Variants in NR4A1 observed in about 807,000 individuals in gnomAD.
The protein encoded by NR4A1 is nuclear receptor subfamily 4immunitygroup A member 1.
NR4A1 carries 24 observed loss-of-function variants against 47.5 expected under a neutral mutation model. That is an observed-to-expected ratio of 0.50 (90% CI 0.37 to 0.71). The LOEUF is 0.71. Ranked by LOEUF, NR4A1 falls within the 30% of genes least tolerant of loss-of-function variation. The pLI, the probability that NR4A1 is intolerant of heterozygous loss-of-function variation, is 0.00. For missense variants in NR4A1, 669 were observed against 788.6 expected (o/e 0.85, Z 1.82); for synonymous variants, 353 against 345.7 (o/e 1.02, Z -0.24).
chr12:52,059,118 C>G lies in NR4A1; in HGVS notation c.*174C>G, dbSNP rs1003587712. 4 of 798,798 alleles carry G rather than the reference C, an allele frequency of 5.0e-6. No homozygotes were observed. In the Admixed American group the frequency reaches 9.2e-5, roughly 18 times the overall value. 49.5% of individuals were successfully genotyped at this position (798,798 alleles called of 1,614,324 possible). On this transcript the variant is annotated 3_prime_UTR_variant, in exon 7 of 7. Coordinates refer to ENST00000394825, the MANE Select transcript of NR4A1 (RefSeq NM_173157.3). ...GCTCAAGCCCTTGGGGAGGGGGATGCCTTCATGGGGGTGACCCCACGATTT... is the reference window on the plus strand; with the variant it reads ...GCTCAAGCCCTTGGGGAGGGGGATGGCTTCATGGGGGTGACCCCACGATTT...
At chr12:52,055,702 C>A in intron 2 of NR4A1, 1 of 309,214 alleles carries the variant, frequency 3.2e-6, no homozygotes, top group Non-Finnish European at 5.9e-6. Context: ...CCTTGGCCCT[C>A]TCCTGTCTGC....
chr12:52,023,874 C>T (rs999039737), intron 1 of NR4A1, among the ~76,000 whole-genome samples: 1 of 152,340 alleles, frequency 6.6e-6, no homozygotes, highest in Non-Finnish European at 1.5e-5. Context: ...CGCCCTCTGC[C>T]GGCAGACTCG....
chr12:52,048,438 C>T (rs1592295564), upstream of NR4A1, among the ~76,000 whole-genome samples: 1 of 151,378 alleles, frequency 6.6e-6, no homozygotes, highest in African/African-American at 2.4e-5. Context: ...GCTAAAAATA[C>T]AAAAAAATTA....
chr12:52,043,532 C>T (rs1467588355), intron 2 of NR4A1: 9 of 391,694 alleles, frequency 2.3e-5, no homozygotes, highest in African/African-American at 1.7e-4. Flanking sequence ...ACCTGTCTGC[C>T]AGGCCTGGGC....
At chr12:52,057,023 C>G (rs187300645) in intron 4 of NR4A1, 34 bp from the exon 5 acceptor site, 4 of 1,546,152 alleles carry the variant, frequency 2.6e-6, no homozygotes, top group Non-Finnish European at 3.5e-6. Flanking sequence ...AGGAGCCTGC[C>G]TGGGGTGCTG....
chr12:52,038,360 G>C (rs1464367824), intron 1 of NR4A1: 2 of 232,808 alleles, frequency 8.6e-6, no homozygotes, highest in Non-Finnish European at 1.7e-5. Context: ...ACCGCGCCTG[G>C]CAGGCTCATT....
chr12:52,053,955 C>T (rs1428025596), intron 1 of NR4A1: 7 of 232,480 alleles, frequency 3.0e-5, no homozygotes, highest in Admixed American at 5.1e-5. Context: ...CACCCTTCTC[C>T]CGGCCCCCAC....
intron 2 of NR4A1, among the ~76,000 whole-genome samples, chr12:52,042,388 C>T (rs540521100): frequency 2.6e-5 from 4 of 152,056 alleles, no homozygotes; most frequent in East Asian, 1.9e-4. Context: ...TCCCCTTCCT[C>T]GTGGAAAGCA....
chr12:52,054,745 G>A lies in NR4A1; in HGVS notation c.417G>A (p.Pro139=), dbSNP rs372483302. Residue 139 remains proline, a synonymous_variant, in exon 2 of 7, where the codon CCG becomes CCA. Coordinates refer to ENST00000394825, the MANE Select transcript of NR4A1 (RefSeq NM_173157.3). ...ACTATGGCAGCCCCTGCTCGGCCCCGTCGCCCTCCACGCCCAGCTTCCAGC... is the reference window on the plus strand; with the variant it reads ...ACTATGGCAGCCCCTGCTCGGCCCCATCGCCCTCCACGCCCAGCTTCCAGC... ...SDYYGSPCSA[P]SPSTPSFQPP... 1.6e-4 allele frequency: 250 copies of A among 1,612,450 alleles called. 1 individual carries two copies. The highest frequency in any genetic ancestry group is 5.4e-4 in the South Asian group (49 of 91,074).
At chr12:52,041,768 C>G (rs753309307) in intron 1 of NR4A1, 19 of 1,270,398 alleles carry the variant, frequency 1.5e-5, no homozygotes, top group Non-Finnish European at 1.8e-5. Context: ...AATGTGCCTG[C>G]TGGCTGGTTT....
chr12:52,054,143 G>C, intron 1 of NR4A1, 184 bp from the exon 2 acceptor site: 1 of 594,822 alleles, frequency 1.7e-6, no homozygotes, highest in Non-Finnish European at 2.9e-6. Flanking sequence ...GTGGCACCTA[G>C]GTCGAGATGG....
Position 52,051,502 on chromosome 12 carries a change from C to G in NR4A1, c.-69C>G, listed in dbSNP as rs1299314356. 1.0e-6 allele frequency: 1 copy of G among 985,588 alleles called. No individual in the cohort carries two copies. Among genetic ancestry groups the G allele is most frequent in the African/African-American group, 1.7e-5 (1 of 57,238 alleles). The allele number at this position is 985,588 out of a possible 1,614,324, so 61.1% of individuals were successfully genotyped here. On this transcript the variant is annotated 5_prime_UTR_variant, in exon 1 of 7. Coordinates refer to ENST00000394825, the MANE Select transcript of NR4A1 (RefSeq NM_173157.3). ...TGCACAGAAGAACTTCGGGAGCGCACGCGGGACCAGGGACCAGGCTGAGAC... is the reference window on the plus strand; with the variant it reads ...TGCACAGAAGAACTTCGGGAGCGCAGGCGGGACCAGGGACCAGGCTGAGAC...
chr12:52,056,875 A>G (rs573464749), intron 4 of NR4A1, 182 bp from the exon 5 acceptor site: 4 of 803,290 alleles, frequency 5.0e-6, no homozygotes, highest in Middle Eastern at 3.7e-4. Flanking sequence ...TTAGAAAAAT[A>G]TGTCCTTTTG....
In NR4A1 at chr12:52,055,032, C is replaced by T; in HGVS notation, c.704C>T (p.Pro235Leu). The change falls in exon 2 of 7, where the codon CCC (proline) becomes CTC (leucine). Residue 235 changes from proline (P) to leucine (L), a missense_variant. Transcript: ENST00000394825. ...SMPTAFPGLAPTSPHLEGSGI... is the reference protein window; with the variant it reads ...SMPTAFPGLALTSPHLEGSGI... ...CCTACGGCCTTCCCAGGTTTGGCACCCACTTCTCCACACCTTGAGGGCTCG... is the reference window on the plus strand; with the variant it reads ...CCTACGGCCTTCCCAGGTTTGGCACTCACTTCTCCACACCTTGAGGGCTCG... The T allele has an allele frequency of 1.9e-6, 3 of 1,614,248 alleles. No homozygotes were observed. Among genetic ancestry groups the T allele is most frequent in the Non-Finnish European group, 2.5e-6 (3 of 1,180,046 alleles).
intron 3 of NR4A1, 128 bp from the exon 4 acceptor site, chr12:52,056,366 C>T (rs1033295174): frequency 7.7e-6 from 11 of 1,428,342 alleles, no homozygotes; most frequent in Non-Finnish European, 1.0e-5. Flanking sequence ...TATAGGGTAC[C>T]TTGGATCTCA....
chr12:52,039,182 T>C (rs1277617745), intron 1 of NR4A1, among the ~76,000 whole-genome samples: 1 of 152,226 alleles, frequency 6.6e-6, no homozygotes, highest in African/African-American at 2.4e-5. Flanking sequence ...AGAAAATGCA[T>C]GTAAAGTGCT....
At chr12:52,042,029 A>T in intron 2 of NR4A1, 10 of 1,136,294 alleles carry the variant, frequency 8.8e-6, no homozygotes, top group South Asian at 3.8e-5. Context: ...GGTTAGGGGG[A>T]TGGAGGGGAA....
chr12:52,028,550 G>A (rs944306138), intron 1 of NR4A1, among the ~76,000 whole-genome samples: 6 of 151,902 alleles, frequency 3.9e-5, no homozygotes, highest in East Asian at 1.9e-4. Flanking sequence ...CTCCAGCCTC[G>A]TGACAGAGCA....
intron 1 of NR4A1, among the ~76,000 whole-genome samples, chr12:52,040,186 G>A (rs576914740): frequency 3.6e-4 from 55 of 152,236 alleles, no homozygotes; most frequent in African/African-American, 1.3e-3. Flanking sequence ...GGCTCCCGGG[G>A]GTCCTCAGTA....
Sources: gnomAD v4.1 joint callset for allele counts (sites outside exome capture counted in the v4.1 genomes callset) on GRCh38, gnomAD v4.1.1 for gene constraint, MANE v1.5 for transcripts, NCBI Gene and HGNC (gene_info 2026-07-23, HGNC 2026-07-21) for gene names.